Variants in PTDSS2 observed in about 807,000 individuals in gnomAD.
PTDSS2 encodes phosphatidylserine synthase 2.
In PTDSS2, 41 loss-of-function variants were observed where a neutral mutation model predicts 64.7. The ratio of observed to expected loss-of-function variants is 0.63; its 90% confidence interval spans 0.49 to 0.82. The LOEUF is 0.82. Ranked by LOEUF, PTDSS2 falls within the 40% of genes least tolerant of loss-of-function variation. PTDSS2 has a pLI of 0.00. For synonymous variants in PTDSS2, 297 were observed against 277.8 expected, an observed-to-expected ratio of 1.07 and a Z score of -0.69; for missense variants, 485 against 650.0, an observed-to-expected ratio of 0.75 and a Z score of 2.76.
At chr11:456,559 AG>A (rs1020977889) in intron 1 of PTDSS2, among the ~76,000 whole-genome samples, 2 of 152,032 alleles carry the variant, frequency 1.3e-5, no homozygotes, top group Non-Finnish European at 2.9e-5. Flanking sequence ...TATGGAGGAA[AG>A]GGTGGGCCTC....
At chr11:464,256 T>G (rs1847038950) in intron 2 of PTDSS2, among the ~76,000 whole-genome samples, 1 of 152,214 alleles carries the variant, frequency 6.6e-6, no homozygotes, top group South Asian at 2.1e-4. Context: ...TTGCTAGGAT[T>G]ACAGGCGTGA....
chr11:448,349 T>G (rs566165650), upstream of PTDSS2: 1 of 151,672 alleles, frequency 6.6e-6, no homozygotes, highest in Non-Finnish European at 1.5e-5. Flanking sequence ...GCAGGAGGGC[T>G]CTCTGTGCAG....
Position 490,579 on chromosome 11 carries a change from C to T in PTDSS2, c.1461C>T (p.Asn487=). The part of the protein sequence containing the change: ...VAEGEGAPTP[N] ...AGGGCGAGGGAGCACCAACTCCAAACTGACCTGGGCCGTGGCTGCCTCGTG... is the reference window on the plus strand; with the variant it reads ...AGGGCGAGGGAGCACCAACTCCAAATTGACCTGGGCCGTGGCTGCCTCGTG... The change falls in exon 12 of 12, where the codon AAC becomes AAT. Residue 487 remains asparagine (N), a synonymous_variant. Transcript: ENST00000308020. The T allele has an allele frequency of 2.5e-6, 4 of 1,588,448 alleles. No homozygotes were observed. Among genetic ancestry groups the T allele is most frequent in the Non-Finnish European group, 3.4e-6 (4 of 1,167,758 alleles).
Position 487,453 on chromosome 11 carries a change from C to A in PTDSS2, c.604C>A (p.Leu202Ile), listed in dbSNP as rs371827342. Residue 202 changes from leucine to isoleucine, a missense_variant, in exon 6 of 12, where the codon CTT (leucine) becomes ATT (isoleucine). By Grantham distance (5) the Leu-to-Ile change is conservative. This residue lies in a region of PTDSS2 where 251 missense variants were observed against 348.0 expected (regional missense o/e 0.72). Transcript: ENST00000308020. ...KLDGFVPAHF[L>I]GWYLKTLMIR... ...GGATGGCTTTGTTCCCGCGCACTTT[C>A]TTGGCTGGTACCTGAAGGTACGGCA... is the stretch of plus-strand genomic sequence containing the variant. The A allele has an allele frequency of 1.5e-5, 25 of 1,613,848 alleles. No homozygotes were observed. In the African/African-American group the frequency reaches 3.1e-4, roughly 20 times the overall value.
rs1393286131 is a variant in PTDSS2 at position 451,105 on chromosome 11, C to G, written c.182+468C>G. On this transcript the variant is annotated intron_variant, in intron 1 of 11. Transcript: ENST00000308020. Reference sequence around the variant, plus strand: ...GCACGAAATCATCTTGTGTGTCGCGCCCGACCCCACGTGGCGATCGTGTTG... The same window carrying G: ...GCACGAAATCATCTTGTGTGTCGCGGCCGACCCCACGTGGCGATCGTGTTG... 3.9e-5 allele frequency among the ~76,000 whole-genome samples: 6 copies of G among 152,346 alleles called. No individual in the cohort carries two copies. In the East Asian group the frequency reaches 9.6e-4, roughly 24 times the overall value.
chr11:454,737 A>G (rs7937085), intron 1 of PTDSS2, among the ~76,000 whole-genome samples: 4,922 of 152,250 alleles, frequency 0.032, 281 homozygotes, highest in African/African-American at 0.11. Context: ...CCTGGGAGGC[A>G]GAGATCGCGC....
At chr11:472,981 G>A (rs557060842) in intron 2 of PTDSS2, among the ~76,000 whole-genome samples, 31 of 152,222 alleles carry the variant, frequency 2.0e-4, no homozygotes, top group Non-Finnish European at 3.7e-4. Context: ...AGCTGAGCAC[G>A]ACTGGAGAGG....
chr11:466,204 T>A (rs1055359011), intron 2 of PTDSS2, among the ~76,000 whole-genome samples: 10 of 152,114 alleles, frequency 6.6e-5, no homozygotes, highest in Admixed American at 2.0e-4. Context: ...TCTATTAGTC[T>A]GTTTTCATAC....
chr11:464,520 G>A (rs1308086751), intron 2 of PTDSS2, among the ~76,000 whole-genome samples: 2 of 152,224 alleles, frequency 1.3e-5, no homozygotes, highest in African/African-American at 4.8e-5. Context: ...CAGTGCCAGT[G>A]CATCTGCCTG....
Position 489,735 on chromosome 11 carries a change from TG to T in PTDSS2, c.1115+3del. The T allele has an allele frequency of 6.2e-7, 1 of 1,608,182 alleles. No individual in the cohort carries two copies. The highest frequency in any genetic ancestry group is 1.7e-5 in the Admixed American group (1 of 59,216). On this transcript the variant is annotated splice_donor_region_variant and intron_variant, in intron 10 of 11. Coordinates refer to ENST00000308020, the MANE Select transcript of PTDSS2 (RefSeq NM_030783.3). ...GATCTACGACTTCATGGATGACCCG[TG>T]AGGGCTGCGGCAGTCCGGGTGGAGA...
chr11:471,429 T>C (rs1056697535), intron 2 of PTDSS2, among the ~76,000 whole-genome samples: 3 of 152,252 alleles, frequency 2.0e-5, no homozygotes, highest in African/African-American at 4.8e-5. Flanking sequence ...CTTATAAAGT[T>C]GTCATAAACA....
At chr11:451,311 AG>A (rs1055767343) in intron 1 of PTDSS2, 24 of 417,572 alleles carry the variant, frequency 5.7e-5, no homozygotes, top group African/African-American at 4.3e-4. Context: ...GAAAAGGAAG[AG>A]GCCCCCGGGA....
chr11:454,233 A>C (rs1199646861), intron 1 of PTDSS2, among the ~76,000 whole-genome samples: 3 of 151,674 alleles, frequency 2.0e-5, no homozygotes, highest in Non-Finnish European at 4.4e-5. Flanking sequence ...TGGGTCCCTT[A>C]CCCTCTGCCT....
chr11:478,922 C>T (rs904797894), intron 3 of PTDSS2, among the ~76,000 whole-genome samples, 163 bp from the exon 4 acceptor site: 31 of 152,170 alleles, frequency 2.0e-4, no homozygotes, highest in Non-Finnish European at 4.1e-4. Flanking sequence ...AGAAATTGTG[C>T]CTAATTCTGA....
upstream of PTDSS2, chr11:448,375 A>G (rs2133737946): frequency 6.6e-6 from 1 of 152,372 alleles, no homozygotes; most frequent in East Asian, 1.9e-4. Flanking sequence ...GAGAACACCC[A>G]TACGCAGGAA....
Position 450,324 on chromosome 11 carries a change from C to G in PTDSS2, c.-132C>G. Reference sequence around the variant, plus strand: ...TACTGGCCGGCCCCGCGCTGCTCTCCTAAGACCCCGCGGGCCAGCGCCGCG... The same window carrying G: ...TACTGGCCGGCCCCGCGCTGCTCTCGTAAGACCCCGCGGGCCAGCGCCGCG... On this transcript the variant is annotated 5_prime_UTR_variant, in exon 1 of 12. Coordinates refer to ENST00000308020, the MANE Select transcript of PTDSS2 (RefSeq NM_030783.3). 1 of 788,410 alleles carries G rather than the reference C, an allele frequency of 1.3e-6. No homozygotes were observed. The allele number at this position is 788,410 out of a possible 1,614,324, so 48.8% of individuals were successfully genotyped here. A position where few individuals can be genotyped will look rare whatever the true frequency, so the allele number is the denominator to read the frequency against.
chr11:483,758 T>C (rs188769904), intron 4 of PTDSS2, among the ~76,000 whole-genome samples: 88 of 152,346 alleles, frequency 5.8e-4, no homozygotes, highest in African/African-American at 2.1e-3. Flanking sequence ...TAAGAGGTAC[T>C]GTCCTTTAAT....
Position 460,353 on chromosome 11 carries a change from C to G in PTDSS2, c.284+65C>G, listed in dbSNP as rs1275078359. On this transcript the variant is annotated intron_variant, in intron 2 of 11. Transcript: ENST00000308020. This position sits in a 1 kb window ranked among gnomAD's most constrained non-coding sequence, Gnocchi z 5.8. The stretch of plus-strand genomic sequence containing the variant: ...TGCCCCGTGTGGTGGGTGTGGCACC[C>G]TTACTGCTCGGGCTGCCGGGGGCTC... 7.2e-7 allele frequency: 1 copy of G among 1,389,944 alleles called. No homozygotes were observed. The highest frequency in any genetic ancestry group is 1.4e-5 in the African/African-American group (1 of 69,982). 86.1% of individuals were successfully genotyped at this position (1,389,944 alleles called of 1,614,324 possible).
chr11:473,373 G>A (rs138511004), intron 2 of PTDSS2, among the ~76,000 whole-genome samples: 1 of 152,178 alleles, frequency 6.6e-6, no homozygotes, highest in African/African-American at 2.4e-5. Context: ...TGCCGCGTTG[G>A]AGCAGGGAGG....
Sources: gnomAD v4.1 joint callset for allele counts (sites outside exome capture counted in the v4.1 genomes callset) on GRCh38, gnomAD v4.1.1 for gene constraint, gnomAD v4.1.1 regional missense constraint, Gnocchi (gnomAD v3.1) non-coding constraint, MANE v1.5 for transcripts, NCBI Gene and HGNC (gene_info 2026-07-23, HGNC 2026-07-21) for gene names.